Variants in RUNX1 observed in about 807,000 individuals in gnomAD.
RUNX1 encodes RUNX family transcription factor 1.
Under a neutral mutation model 42.8 loss-of-function variants are expected in RUNX1, and 19 were observed. The observed-to-expected ratio is 0.44, with a 90% CI of 0.31 to 0.65. The LOEUF (loss-of-function observed/expected upper bound fraction) is 0.65. RUNX1 is among the 30% of genes least tolerant of loss of function. The probability of loss-of-function intolerance (pLI) is 0.07; values close to 1 mark genes in which losing one functional copy is unlikely to be tolerated. For synonymous variants in RUNX1, 271 were observed against 289.4 expected, an observed-to-expected ratio of 0.94 and a Z score of 0.64; for missense variants, 528 against 672.0, an observed-to-expected ratio of 0.79 and a Z score of 2.37.
At chr21:34,855,630 G>A (rs1169721775) in intron 6 of RUNX1, among the ~76,000 whole-genome samples, 1 of 152,168 alleles carries the variant, frequency 6.6e-6, no homozygotes, top group Non-Finnish European at 1.5e-5. Flanking sequence ...GCTTGAACCT[G>A]GGAGTGGGGC....
chr21:34,963,432 C>T (rs556883615), intron 2 of RUNX1, among the ~76,000 whole-genome samples: 1 of 152,276 alleles, frequency 6.6e-6, no homozygotes, highest in African/African-American at 2.4e-5. Flanking sequence ...AACTGAGAGT[C>T]GTCTCTCGTC....
chr21:34,961,897 C>A (rs1234502859), intron 2 of RUNX1, among the ~76,000 whole-genome samples: 1 of 150,830 alleles, frequency 6.6e-6, no homozygotes, highest in African/African-American at 2.4e-5. Context: ...ATTTTTTTTT[C>A]TTTTTCCTTT....
At chr21:34,912,616 C>G (rs2058281165) in intron 2 of RUNX1, among the ~76,000 whole-genome samples, 1 of 152,172 alleles carries the variant, frequency 6.6e-6, no homozygotes, top group Non-Finnish European at 1.5e-5. Context: ...TCCCCTCAGT[C>G]CCATTGCCCC....
At chr21:34,842,673 CAGAG>C (rs979879896) in intron 6 of RUNX1, among the ~76,000 whole-genome samples, 8 of 152,188 alleles carry the variant, frequency 5.3e-5, no homozygotes, top group African/African-American at 1.7e-4. Flanking sequence ...CACGCACACA[CAGAG>C]AGACATACAA....
chr21:34,876,935 C>A (rs1309461287), intron 5 of RUNX1, among the ~76,000 whole-genome samples: 1 of 152,168 alleles, frequency 6.6e-6, no homozygotes, highest in African/African-American at 2.4e-5. Flanking sequence ...CGGCTCACTG[C>A]AACCTCTACC....
In RUNX1 at chr21:34,843,463, A is replaced by G. The variant is rs900415125; in HGVS notation, c.614-8862T>C. ...TATATACAAACATACACACATACTG[A>G]CATACACACATATACACATACATAC... On this transcript the variant is annotated intron_variant, in intron 6 of 8. Coordinates refer to ENST00000675419, the MANE Select transcript of RUNX1 (RefSeq NM_001754.5). The surrounding 1 kb of genome is among the most constrained non-coding windows in gnomAD (Gnocchi z 4.8). Among the ~76,000 whole-genome samples the G allele has an allele frequency of 6.6e-6, 1 of 152,148 alleles. No homozygotes were observed. The highest frequency in any genetic ancestry group is 1.5e-5 in the Non-Finnish European group (1 of 68,022).
chr21:34,982,519 A>C (rs1454683658), intron 2 of RUNX1, among the ~76,000 whole-genome samples: 2 of 70 alleles, frequency 0.029, no homozygotes, highest in Non-Finnish European at 0.053. Context: ...TTTTCTGTTT[A>C]TGTTTTATAT....
intron 8 of RUNX1, among the ~76,000 whole-genome samples, chr21:34,795,611 C>T (rs1331571165): frequency 6.6e-6 from 1 of 152,140 alleles, no homozygotes; most frequent in Non-Finnish European, 1.5e-5. Context: ...GCAGGGAAAA[C>T]GTTGTAAACG....
chr21:34,945,248 G>C (rs1183220210), intron 2 of RUNX1, among the ~76,000 whole-genome samples: 1 of 152,108 alleles, frequency 6.6e-6, no homozygotes, highest in African/African-American at 2.4e-5. Context: ...ACAGCCAAAG[G>C]CATCCTAGAA....
chr21:34,938,580 T>C (rs2058503728), intron 2 of RUNX1, among the ~76,000 whole-genome samples: 1 of 152,114 alleles, frequency 6.6e-6, no homozygotes, highest in African/African-American at 2.4e-5. Flanking sequence ...CTCTTCCTCC[T>C]TCTTTTATTC....
chr21:35,012,784 A>G (rs2059134948), intron 2 of RUNX1, among the ~76,000 whole-genome samples: 1 of 152,194 alleles, frequency 6.6e-6, no homozygotes, highest in East Asian at 1.9e-4. Flanking sequence ...AGAGAAAGGA[A>G]AGTGTTCTCG....
chr21:34,987,746 C>G (rs1313603942), intron 2 of RUNX1, among the ~76,000 whole-genome samples: 1 of 152,102 alleles, frequency 6.6e-6, no homozygotes, highest in Non-Finnish European at 1.5e-5. Context: ...AGGCTACAGC[C>G]CTCTGCAGAA....
chr21:34,891,188 G>A (rs1207846817), intron 3 of RUNX1, among the ~76,000 whole-genome samples: 1 of 152,216 alleles, frequency 6.6e-6, no homozygotes, highest in East Asian at 1.9e-4. Context: ...AAGGAAAGTT[G>A]GTCCCAGCCT....
At chr21:34,977,231 G>A (rs2058809473) in intron 2 of RUNX1, among the ~76,000 whole-genome samples, 1 of 152,214 alleles carries the variant, frequency 6.6e-6, no homozygotes, top group African/African-American at 2.4e-5. Context: ...AGTCTACACG[G>A]TGTTGAATTC....
chr21:34,896,988 A>G (rs962825313), intron 2 of RUNX1, among the ~76,000 whole-genome samples: 2 of 152,166 alleles, frequency 1.3e-5, no homozygotes, highest in African/African-American at 4.8e-5. Context: ...GTGTTTGTGT[A>G]TATATATGTG....
At chr21:34,809,640 T>A (rs182280307) in intron 7 of RUNX1, among the ~76,000 whole-genome samples, 71 of 152,242 alleles carry the variant, frequency 4.7e-4, no homozygotes, top group Admixed American at 4.4e-3. Context: ...AGGCTGGGCA[T>A]GGAAGGCCGT....
intron 2 of RUNX1, among the ~76,000 whole-genome samples, chr21:35,039,675 A>T (rs2059343402): frequency 6.6e-6 from 1 of 152,220 alleles, no homozygotes. Flanking sequence ...GGAGGGAAGC[A>T]TATGGGAGAC....
At chr21:34,868,015 C>T (rs2057687381) in intron 5 of RUNX1, among the ~76,000 whole-genome samples, 1 of 152,202 alleles carries the variant, frequency 6.6e-6, no homozygotes, top group Admixed American at 6.5e-5. Flanking sequence ...AGAGCTGCAG[C>T]TGGGAGGCCT....
At chr21:34,902,822 A>G (rs940424804) in intron 2 of RUNX1, among the ~76,000 whole-genome samples, 1 of 152,170 alleles carries the variant, frequency 6.6e-6, no homozygotes, top group South Asian at 2.1e-4. Context: ...CAGCTCCAGG[A>G]ACATTTATGC....
Sources: allele counts gnomAD v4.1 joint callset (sites outside exome capture counted in the v4.1 genomes callset), GRCh38; gene constraint gnomAD v4.1.1; non-coding constraint Gnocchi (gnomAD v3.1); transcripts MANE v1.5; gene names NCBI Gene and HGNC (gene_info 2026-07-23, HGNC 2026-07-21).